Variants in PCDH11X observed in about 807,000 individuals in gnomAD.
PCDH11X encodes the protein protocadherin 11 X-linked.
PCDH11X carries 18 observed loss-of-function variants against 53.3 expected under a neutral mutation model. The ratio of observed to expected loss-of-function variants is 0.34; its 90% CI spans 0.23 to 0.50. The LOEUF is 0.50. Among genes scored for constraint, PCDH11X ranks in the 20% least tolerant of loss-of-function variants. PCDH11X has a pLI of 0.98. For missense variants in PCDH11X, 570 were observed against 1,032.4 expected (o/e 0.55, Z 6.14); for synonymous variants, 279 against 393.3 (o/e 0.71, Z 3.44).
At chrX:91,895,312 T>C (rs982749236) in intron 6 of PCDH11X, among the ~76,000 whole-genome samples, 2 of 111,125 alleles carry the variant, frequency 1.8e-5, no homozygotes, top group African/African-American at 6.5e-5. Context: ...GAGAGAAGTA[T>C]AGTTTGTGTA....
At chrX:92,102,838 G>C (rs371723251) in intron 6 of PCDH11X, among the ~76,000 whole-genome samples, 2 of 111,703 alleles carry the variant, frequency 1.8e-5, no homozygotes, top group African/African-American at 6.5e-5. Context: ...ATAAAGCGCA[G>C]ATTCTGAACT....
At chrX:92,447,303 C>T (rs931612950) in intron 9 of PCDH11X, among the ~76,000 whole-genome samples, 37 of 111,079 alleles carry the variant, frequency 3.3e-4, no homozygotes, top group Non-Finnish European at 6.2e-4. Context: ...GAGAGGTCTT[C>T]GTGGAAGCCC....
At chrX:91,993,350 A>G (rs2062357710) in intron 6 of PCDH11X, among the ~76,000 whole-genome samples, 2 of 112,468 alleles carry the variant, frequency 1.8e-5, no homozygotes, top group African/African-American at 6.5e-5. Context: ...AGTAATTTTG[A>G]ACATATATTA....
chrX:92,540,123 G>T lies in PCDH11X; in HGVS notation c.3367+71801G>T, dbSNP rs570747173. ...ATCAGCAGGTGGTGAAACCAGCCAGGTTTCTCTTCTTTCATTTAGGGCAGT... is the reference window on the plus strand; with the variant it reads ...ATCAGCAGGTGGTGAAACCAGCCAGTTTTCTCTTCTTTCATTTAGGGCAGT... On this transcript the variant is annotated intron_variant, in intron 10 of 10. Coordinates refer to ENST00000682573, the MANE Select transcript of PCDH11X (RefSeq NM_032968.5). 5.3e-4 allele frequency among the ~76,000 whole-genome samples: 59 copies of T among 111,275 alleles called. No homozygotes were observed. The South Asian group carries it at 9.3e-3, about 18-fold the overall frequency.
chrX:92,178,451 G>A (rs1312929579), intron 6 of PCDH11X, among the ~76,000 whole-genome samples: 2 of 111,551 alleles, frequency 1.8e-5, no homozygotes, highest in African/African-American at 3.3e-5. Context: ...TTAAAACACT[G>A]GCCTAATGGC....
chrX:92,123,385 C>T (rs971700760), intron 6 of PCDH11X, among the ~76,000 whole-genome samples: 1 of 111,383 alleles, frequency 9.0e-6, no homozygotes, highest in Non-Finnish European at 1.9e-5. Context: ...CTGTAAGTGT[C>T]GTTTCTCAGA....
intron 6 of PCDH11X, among the ~76,000 whole-genome samples, chrX:91,889,294 T>G (rs960167180): frequency 1.4e-4 from 16 of 112,052 alleles, no homozygotes; most frequent in Non-Finnish European, 2.8e-4. Context: ...TCATTTATGA[T>G]ACTCAGATTA....
chrX:92,227,991 A>T (rs2067001335), intron 7 of PCDH11X, among the ~76,000 whole-genome samples: 1 of 111,458 alleles, frequency 9.0e-6, no homozygotes, highest in Non-Finnish European at 1.9e-5. Context: ...ATAGAAATTC[A>T]TGGAAAACAG....
At chrX:92,352,819 A>G (rs1364979201) in intron 8 of PCDH11X, among the ~76,000 whole-genome samples, 2 of 111,297 alleles carry the variant, frequency 1.8e-5, no homozygotes, top group Non-Finnish European at 3.8e-5. Context: ...GATGTGTACC[A>G]TCTTCAGGTC....
intron 6 of PCDH11X, among the ~76,000 whole-genome samples, chrX:92,184,121 T>G (rs2066049700): frequency 8.9e-6 from 1 of 111,859 alleles, no homozygotes; most frequent in African/African-American, 3.3e-5. Flanking sequence ...AAATATTTAT[T>G]GAATAAATGA....
At chrX:92,545,049 A>G (rs1426954668) in intron 10 of PCDH11X, among the ~76,000 whole-genome samples, 3 of 111,158 alleles carry the variant, frequency 2.7e-5, no homozygotes, top group Non-Finnish European at 5.7e-5. Flanking sequence ...TTTTAACAGC[A>G]TAGTTGGAGA....
At chrX:92,200,830 A>G (rs1411407974) in intron 6 of PCDH11X, among the ~76,000 whole-genome samples, 1 of 112,242 alleles carries the variant, frequency 8.9e-6, no homozygotes, top group Non-Finnish European at 1.9e-5. Context: ...AAAGCATTGG[A>G]CAGAAATTTT....
Position 92,446,496 on chromosome X carries a change from T to A in PCDH11X, c.3344-21803T>A, listed in dbSNP as rs188340787. Among the ~76,000 whole-genome samples the A allele has an allele frequency of 2.7e-5, 3 of 110,928 alleles. No homozygotes were observed. In the Admixed American group the frequency reaches 2.9e-4, roughly 11 times the overall value. On this transcript the variant is annotated intron_variant, in intron 9 of 10. Coordinates refer to ENST00000682573, the MANE Select transcript of PCDH11X (RefSeq NM_032968.5). The stretch of plus-strand genomic sequence containing the variant: ...GTGATACTGAATGAGTCTCACAAGA[T>A]CTGATGGCTTTAAAAACGGAAGTTT...
At chrX:92,272,757 C>G (rs1009687392) in intron 8 of PCDH11X, among the ~76,000 whole-genome samples, 32 of 112,055 alleles carry the variant, frequency 2.9e-4, no homozygotes, top group Non-Finnish European at 5.3e-4. Flanking sequence ...TTCTGTGTGT[C>G]AAATCTAGTG....
intron 8 of PCDH11X, among the ~76,000 whole-genome samples, chrX:92,320,174 T>C (rs2069168452): frequency 9.0e-6 from 1 of 111,664 alleles, no homozygotes; most frequent in African/African-American, 3.3e-5. Flanking sequence ...TTGTGTACAG[T>C]ACACAAATGG....
At chrX:92,126,710 AGT>A (rs71913292) in intron 6 of PCDH11X, among the ~76,000 whole-genome samples, 17,205 of 100,425 alleles carry the variant, frequency 0.17, 1,226 homozygotes, top group East Asian at 0.39. Flanking sequence ...ATATGTGGGG[AGT>A]GTGTGTGTGT....
intron 6 of PCDH11X, among the ~76,000 whole-genome samples, chrX:91,947,084 G>A (rs1028682484): frequency 1.1e-4 from 11 of 103,685 alleles, no homozygotes; most frequent in Non-Finnish European, 1.8e-4. Flanking sequence ...ACTGCAAAGA[G>A]CATGCTACCT....
At chrX:92,054,184 C>A (rs1602766224) in intron 6 of PCDH11X, among the ~76,000 whole-genome samples, 1 of 111,515 alleles carries the variant, frequency 9.0e-6, no homozygotes, top group South Asian at 3.8e-4. Flanking sequence ...ATTGCTAAAT[C>A]ACTTACAAAT....
chrX:92,336,800 C>A (rs2069630311), intron 8 of PCDH11X, among the ~76,000 whole-genome samples: 1 of 111,412 alleles, frequency 9.0e-6, no homozygotes, highest in South Asian at 3.7e-4. Context: ...TAGTTCACAG[C>A]AAAGTGTGTA....
Sources: allele counts gnomAD v4.1 joint callset (sites outside exome capture counted in the v4.1 genomes callset), GRCh38; gene constraint gnomAD v4.1.1; transcripts MANE v1.5; gene names NCBI Gene and HGNC (gene_info 2026-07-23, HGNC 2026-07-21).